ZC2HC1A: variants seen among roughly 807,000 people sequenced by gnomAD.
ZC2HC1A encodes the protein zinc finger C2HC-type containing 1A.
Under a neutral mutation model 40.7 loss-of-function variants are expected in ZC2HC1A, and 28 were observed. The observed-to-expected ratio is 0.69, with a 90% CI of 0.51 to 0.94. ZC2HC1A has a LOEUF of 0.94. ZC2HC1A is among the 40% of genes least tolerant of loss of function. The pLI, the probability that ZC2HC1A is intolerant of heterozygous loss-of-function variation, is 0.00. For synonymous variants in ZC2HC1A, 129 were observed against 129.2 expected, an observed-to-expected ratio of 1.00 and a Z score of 0.01; for missense variants, 389 against 386.3, an observed-to-expected ratio of 1.01 and a Z score of -0.06.
intron 7 of ZC2HC1A, among the ~76,000 whole-genome samples, chr8:78,712,962 C>A (rs557816832): frequency 6.6e-6 from 1 of 152,240 alleles, no homozygotes; most frequent in South Asian, 2.1e-4. Flanking sequence ...AAGATACTAG[C>A]AGCAGCCATT....
intron 1 of ZC2HC1A, among the ~76,000 whole-genome samples, chr8:78,666,731 A>G (rs1224297893): frequency 6.6e-6 from 1 of 152,172 alleles, no homozygotes; most frequent in Non-Finnish European, 1.5e-5. Flanking sequence ...AGCCGGTACA[A>G]TAGATTACCC....
Position 78,686,704 on chromosome 8 carries a change from T to C in ZC2HC1A, c.352+96T>C, listed in dbSNP as rs190287781. On this transcript the variant is annotated intron_variant, in intron 4 of 8. Transcript: ENST00000263849. The stretch of plus-strand genomic sequence containing the variant: ...ACTTGTTAAGCTTAACTTACAATCA[T>C]GGAGTGTTATGAGGCATAATCTTTA... The C allele has an allele frequency of 8.7e-6, 11 of 1,270,250 alleles. No individual in the cohort carries two copies. The Admixed American group carries it at 2.6e-4, about 30-fold the overall frequency. 78.7% of individuals were successfully genotyped at this position (1,270,250 alleles called of 1,614,324 possible).
chr8:78,694,427 C>T (rs1255505278), intron 5 of ZC2HC1A, among the ~76,000 whole-genome samples: 1 of 151,680 alleles, frequency 6.6e-6, no homozygotes, highest in East Asian at 1.9e-4. Flanking sequence ...TGTGCTTATT[C>T]CTTTTAGGTA....
intron 7 of ZC2HC1A, among the ~76,000 whole-genome samples, chr8:78,705,499 A>G (rs1206368341): frequency 6.6e-6 from 1 of 152,064 alleles, no homozygotes; most frequent in African/African-American, 2.4e-5. Context: ...GCCAAAGAAC[A>G]CCTGTGGGTG....
chr8:78,708,678 T>C (rs1427404634), intron 7 of ZC2HC1A, among the ~76,000 whole-genome samples: 1 of 151,318 alleles, frequency 6.6e-6, no homozygotes, highest in African/African-American at 2.4e-5. Context: ...TTATCTTTTT[T>C]TTTTCTTTTT....
At chr8:78,704,383 A>G (rs1372234383) in intron 7 of ZC2HC1A, among the ~76,000 whole-genome samples, 9 of 135,296 alleles carry the variant, frequency 6.7e-5, no homozygotes, top group Non-Finnish European at 1.1e-4. Flanking sequence ...GTGAGACTCC[A>G]TCTCAAAAAA....
chr8:78,693,280 A>G (rs77907872), intron 5 of ZC2HC1A, among the ~76,000 whole-genome samples: 13,790 of 151,668 alleles, frequency 0.091, 808 homozygotes, highest in East Asian at 0.29. Flanking sequence ...TGGTATTTCT[A>G]GTTCTAGATC....
intron 7 of ZC2HC1A, among the ~76,000 whole-genome samples, chr8:78,705,946 A>G (rs1376888822): frequency 6.6e-6 from 1 of 152,062 alleles, no homozygotes; most frequent in Non-Finnish European, 1.5e-5. Flanking sequence ...GAATACCAGC[A>G]GGGATGGTTG....
chr8:78,692,918 T>TC (rs1810259174), intron 5 of ZC2HC1A, among the ~76,000 whole-genome samples: 1 of 152,098 alleles, frequency 6.6e-6, no homozygotes, highest in South Asian at 2.1e-4. Context: ...GGTGTGATGT[T>TC]CCCTTTCCTG....
In ZC2HC1A at chr8:78,666,135, G is replaced by A. The variant is rs151163140; in HGVS notation, c.-14G>A. The A allele has an allele frequency of 3.4e-3, 5,414 of 1,569,374 alleles. 14 individuals carry two copies. Among genetic ancestry groups the A allele is most frequent in the Non-Finnish European group, 4.0e-3 (4,580 of 1,157,282 alleles). On this transcript the variant is annotated 5_prime_UTR_variant, in exon 1 of 9. Transcript: ENST00000263849. ...CTGCTGAAGGAGTCTCGCTGAGCTC[G>A]AGGAGGTGGCGCGATGGAGGGACTG...
At chr8:78,716,279 C>T (rs1455202216) in intron 8 of ZC2HC1A, among the ~76,000 whole-genome samples, 8 of 151,346 alleles carry the variant, frequency 5.3e-5, no homozygotes, top group Middle Eastern at 3.2e-3. Flanking sequence ...CCCGCCACCA[C>T]GCCTGGCTAA....
chr8:78,673,094 T>C (rs1218771195), intron 1 of ZC2HC1A, among the ~76,000 whole-genome samples: 2 of 152,018 alleles, frequency 1.3e-5, no homozygotes, highest in African/African-American at 4.8e-5. Context: ...GGCCCTGGAG[T>C]GTGATGTTCC....
At chr8:78,715,948 G>C (rs533325053) in intron 8 of ZC2HC1A, among the ~76,000 whole-genome samples, 3 of 149,820 alleles carry the variant, frequency 2.0e-5, no homozygotes, top group African/African-American at 7.3e-5. Flanking sequence ...GCCGAGGCAG[G>C]AGAATTGCTT....
intron 4 of ZC2HC1A, among the ~76,000 whole-genome samples, chr8:78,687,583 TAATA>T (rs1328294565): frequency 1.4e-5 from 2 of 142,066 alleles, no homozygotes; most frequent in Non-Finnish European, 3.0e-5. Context: ...TATATTTACG[TAATA>T]AATTATATAT....
chr8:78,689,623 G>A (rs1377380390), intron 5 of ZC2HC1A, among the ~76,000 whole-genome samples: 1 of 151,654 alleles, frequency 6.6e-6, no homozygotes, highest in Admixed American at 6.6e-5. Context: ...GTCTTAGCAC[G>A]TTTTGTATAT....
intron 7 of ZC2HC1A, among the ~76,000 whole-genome samples, chr8:78,712,960 A>G (rs939644797): frequency 2.6e-5 from 4 of 152,182 alleles, no homozygotes; most frequent in Non-Finnish European, 5.9e-5. Flanking sequence ...TTAAGATACT[A>G]GCAGCAGCCA....
Position 78,717,390 on chromosome 8 carries a change from C to G in ZC2HC1A, c.875C>G (p.Ser292Ter). 4 of 1,613,572 alleles carry G rather than the reference C, an allele frequency of 2.5e-6. No individual in the cohort carries two copies. Among genetic ancestry groups the G allele is most frequent in the Non-Finnish European group, 3.4e-6 (4 of 1,179,870 alleles). The stretch of plus-strand genomic sequence containing the variant: ...AATATTAAAGGCATTGAAGGACATT[C>G]ACCTGGAAACTTACCAAAATTCTGC... The part of the protein sequence containing the change: ...GGNIKGIEGH[S>*]PGNLPKFCHE... Residue 292 changes from serine (S) to a stop codon, truncating the protein, a stop_gained, in exon 9 of 9, where the codon TCA (serine) becomes TGA (stop). Coordinates refer to ENST00000263849, the MANE Select transcript of ZC2HC1A (RefSeq NM_016010.3). LOFTEE classifies it high-confidence loss of function.
intron 1 of ZC2HC1A, among the ~76,000 whole-genome samples, chr8:78,669,177 G>A (rs141754468): frequency 4.6e-4 from 70 of 152,136 alleles, no homozygotes; most frequent in Non-Finnish European, 6.8e-4. Flanking sequence ...CTTTTTGGTA[G>A]TGAGTTGGAT....
Position 78,698,451 on chromosome 8 carries a change from T to A in ZC2HC1A, c.642T>A (p.Ser214=), listed in dbSNP as rs1315494289. 6.2e-7 allele frequency: 1 copy of A among 1,613,338 alleles called. No individual in the cohort carries two copies. The highest frequency in any genetic ancestry group is 8.5e-7 in the Non-Finnish European group (1 of 1,179,458). Residue 214 remains serine (S), a synonymous_variant, in exon 7 of 9, where the codon TCT becomes TCA. Coordinates refer to ENST00000263849, the MANE Select transcript of ZC2HC1A (RefSeq NM_016010.3). ...GTAAAGTGTCTTCAAGTAGCAGCTC[T>A]TTGGGAAACAAACTTCAGACCTTAT... ...PSGKVSSSSS[S]LGNKLQTLSP... is the part of the protein sequence containing the mutation.
Sources: allele counts gnomAD v4.1 joint callset (sites outside exome capture counted in the v4.1 genomes callset), GRCh38; gene constraint gnomAD v4.1.1; transcripts MANE v1.5; gene names NCBI Gene and HGNC (gene_info 2026-07-23, HGNC 2026-07-21).